Variants in CDK13 observed in about 807,000 individuals in gnomAD.
CDK13 encodes cyclin dependent kinase 13.
Under a neutral mutation model 137.6 loss-of-function variants are expected in CDK13, and 40 were observed. The observed-to-expected ratio is 0.29, with a 90% CI of 0.23 to 0.38. The LOEUF (loss-of-function observed/expected upper bound fraction) is 0.38, where lower values mean the gene tolerates loss of function less well. CDK13 is among the 10% of genes least tolerant of loss of function. CDK13 has a pLI of 1.00. For missense variants in CDK13, 1,704 were observed against 1,951.8 expected (o/e 0.87, Z 2.39); for synonymous variants, 869 against 760.1 (o/e 1.14, Z -2.36).
At chr7:40,084,071 G>T (rs1786732771) in intron 11 of CDK13, among the ~76,000 whole-genome samples, 1 of 152,168 alleles carries the variant, frequency 6.6e-6, no homozygotes, top group Non-Finnish European at 1.5e-5. Flanking sequence ...GGGCACGGTG[G>T]CAGTGGCTCA....
At chr7:40,043,205 G>C (rs1785653324) in intron 5 of CDK13, among the ~76,000 whole-genome samples, 1 of 152,124 alleles carries the variant, frequency 6.6e-6, no homozygotes. Flanking sequence ...ACCTCCTTGT[G>C]GGATTATACA....
intron 2 of CDK13, among the ~76,000 whole-genome samples, chr7:39,989,347 C>T (rs1472462282): frequency 1.3e-5 from 2 of 150,886 alleles, no homozygotes; most frequent in East Asian, 3.9e-4. Context: ...GAGCTTCCAC[C>T]CCCTCCCACT....
At chr7:40,063,456 A>AT (rs1414872185) in intron 9 of CDK13, among the ~76,000 whole-genome samples, 1 of 152,108 alleles carries the variant, frequency 6.6e-6, no homozygotes, top group East Asian at 1.9e-4. Flanking sequence ...GAAATGAAAA[A>AT]TTCATGTTTT....
chr7:40,006,906 G>A (rs1562724981), intron 5 of CDK13, among the ~76,000 whole-genome samples: 1 of 150,156 alleles, frequency 6.7e-6, no homozygotes, highest in Non-Finnish European at 1.5e-5. Context: ...AAATGTACCA[G>A]TCTCTGCTGG....
chr7:39,971,537 A>G (rs1052686929), intron 1 of CDK13, among the ~76,000 whole-genome samples: 1 of 151,500 alleles, frequency 6.6e-6, no homozygotes, highest in Non-Finnish European at 1.5e-5. Context: ...AACAAAAAAC[A>G]AAAAAAACAC....
intron 7 of CDK13, chr7:40,049,179 CAAAAAAAAAAAAAAAA>C (rs917975927): frequency 1.8e-4 from 9 of 51,324 alleles, no homozygotes; most frequent in Non-Finnish European, 2.4e-4. Flanking sequence ...AGACTGTCTC[CAAAAAAAAAAAAAAAA>C]AAAAAAAAAA....
chr7:40,080,331 CA>C (rs760625924), intron 11 of CDK13, among the ~76,000 whole-genome samples: 8 of 152,078 alleles, frequency 5.3e-5, no homozygotes, highest in Non-Finnish European at 1.2e-4. Flanking sequence ...TCATTAAAAG[CA>C]AGCCTATTAT....
chr7:39,964,456 T>G (rs1783822031), intron 1 of CDK13, among the ~76,000 whole-genome samples: 1 of 152,216 alleles, frequency 6.6e-6, no homozygotes. Context: ...TTCTGTGGGA[T>G]CAGTGGTGAT....
At chr7:40,003,568 A>G (rs1361601293) in intron 5 of CDK13, among the ~76,000 whole-genome samples, 4 of 152,190 alleles carry the variant, frequency 2.6e-5, no homozygotes, top group African/African-American at 9.6e-5. Context: ...TTCATCCATA[A>G]AAGGGAAACA....
intron 5 of CDK13, among the ~76,000 whole-genome samples, chr7:40,020,807 G>C (rs1785100414): frequency 6.6e-6 from 1 of 152,172 alleles, no homozygotes. Context: ...ATATTAAAAA[G>C]TAGGGGTGGG....
chr7:40,017,128 G>A (rs1365692207), intron 5 of CDK13, among the ~76,000 whole-genome samples: 1 of 152,038 alleles, frequency 6.6e-6, no homozygotes, highest in Non-Finnish European at 1.5e-5. Flanking sequence ...CCATGATATA[G>A]CCACTTAAAA....
At chr7:40,082,321 T>G (rs1254868560) in intron 11 of CDK13, among the ~76,000 whole-genome samples, 1 of 151,800 alleles carries the variant, frequency 6.6e-6, no homozygotes, top group Non-Finnish European at 1.5e-5. Context: ...ATCCTGTCTC[T>G]ACTAAAAATG....
chr7:40,037,409 A>C (rs983354388), intron 5 of CDK13, among the ~76,000 whole-genome samples: 4 of 152,168 alleles, frequency 2.6e-5, no homozygotes, highest in Admixed American at 2.0e-4. Flanking sequence ...GGGAGGTCTC[A>C]CTTATTCTTT....
At chr7:40,054,473 C>G (rs1785966517) in intron 7 of CDK13, among the ~76,000 whole-genome samples, 1 of 151,848 alleles carries the variant, frequency 6.6e-6, no homozygotes, top group Admixed American at 6.6e-5. Flanking sequence ...TCTTGTCTCC[C>G]AAGCTGGAGT....
At chr7:39,979,485 T>TA (rs1450245770) in intron 1 of CDK13, among the ~76,000 whole-genome samples, 1 of 152,094 alleles carries the variant, frequency 6.6e-6, no homozygotes, top group African/African-American at 2.4e-5. Context: ...CAAAGTGCTG[T>TA]GATTACAGGT....
chr7:39,983,450 T>C (rs1784272461), intron 1 of CDK13, among the ~76,000 whole-genome samples: 1 of 152,232 alleles, frequency 6.6e-6, no homozygotes. Flanking sequence ...AACAAAAGTT[T>C]TCTGAGTCTT....
chr7:40,057,990 A>G (rs937473774), intron 7 of CDK13, among the ~76,000 whole-genome samples: 1 of 152,230 alleles, frequency 6.6e-6, no homozygotes, highest in African/African-American at 2.4e-5. Context: ...AAAATAGCTG[A>G]GTGCTACAAA....
At chr7:40,020,256 TG>T (rs1785085121) in intron 5 of CDK13, among the ~76,000 whole-genome samples, 1 of 152,040 alleles carries the variant, frequency 6.6e-6, no homozygotes, top group African/African-American at 2.4e-5. Context: ...TCAGTAGAGA[TG>T]GGGTTTCTCT....
chr7:40,091,801 G>C (rs1181623413), intron 12 of CDK13, among the ~76,000 whole-genome samples: 1 of 152,128 alleles, frequency 6.6e-6, no homozygotes, highest in Non-Finnish European at 1.5e-5. Context: ...GAATATAAAA[G>C]CATTAAACAC....
Sources: allele counts gnomAD v4.1 joint callset (sites outside exome capture counted in the v4.1 genomes callset), GRCh38; gene constraint gnomAD v4.1.1; transcripts MANE v1.5; gene names NCBI Gene and HGNC (gene_info 2026-07-23, HGNC 2026-07-21).